Variants in TMEM167A observed in about 807,000 individuals in gnomAD.
TMEM167A encodes the protein transmembrane protein 167A, also known as protein kish-A.
Under a neutral mutation model 11.6 loss-of-function variants are expected in TMEM167A, and 8 were observed. The observed-to-expected ratio is 0.69, with a 90% confidence interval of 0.40 to 1.24. The LOEUF (loss-of-function observed/expected upper bound fraction) is 1.24. TMEM167A is among the 50% of genes most tolerant of loss of function. TMEM167A has a pLI of 0.01. For synonymous variants in TMEM167A, 22 were observed against 28.0 expected, an observed-to-expected ratio of 0.79 and a Z score of 0.67; for missense variants, 62 against 87.0, an observed-to-expected ratio of 0.71 and a Z score of 1.14.
chr5:83,075,334 G>C (rs1744625575), intron 1 of TMEM167A, among the ~76,000 whole-genome samples: 1 of 152,134 alleles, frequency 6.6e-6, no homozygotes, highest in Non-Finnish European at 1.5e-5. Flanking sequence ...GGTGTTGGGG[G>C]GAACAAGGCA....
At chr5:83,073,591 G>T (rs1011178609) in intron 1 of TMEM167A, among the ~76,000 whole-genome samples, 8 of 152,228 alleles carry the variant, frequency 5.3e-5, no homozygotes, top group Non-Finnish European at 4.4e-5. Context: ...CCAGTAGCCT[G>T]GAGTATAGGA....
rs756118188 is a variant in TMEM167A, at chr5:83,064,995, A to C, written c.113+13T>G. On this transcript the variant is annotated intron_variant, in intron 2 of 3. Transcript: ENST00000502346. ...GAACTAATTTGGGTGATTAGACATC[A>C]TTAGTAACATACCCAGTTTTATTTC... 1.3e-6 allele frequency: 2 copies of C among 1,509,928 alleles called. No individual in the cohort carries two copies. Among genetic ancestry groups the C allele is most frequent in the South Asian group, 2.3e-5 (2 of 85,772 alleles). The allele number at this position is 1,509,928 out of a possible 1,614,324, so 93.5% of individuals were successfully genotyped here.
chr5:83,074,363 G>A (rs924123119), intron 1 of TMEM167A, among the ~76,000 whole-genome samples: 13 of 152,064 alleles, frequency 8.5e-5, no homozygotes, highest in Admixed American at 1.3e-4. Flanking sequence ...TCTTTCTTGG[G>A]GACATCTCTC....
intron 1 of TMEM167A, among the ~76,000 whole-genome samples, chr5:83,074,656 T>G (rs1311838790): frequency 1.3e-5 from 2 of 152,242 alleles, no homozygotes; most frequent in South Asian, 4.1e-4. Flanking sequence ...CTCTCTCTAC[T>G]ACATGTGTTG....
At chr5:83,076,422 C>T (rs1021657749) in intron 1 of TMEM167A, among the ~76,000 whole-genome samples, 1 of 152,192 alleles carries the variant, frequency 6.6e-6, no homozygotes, top group African/African-American at 2.4e-5. Flanking sequence ...ACTTGCACTA[C>T]GAGTAGAAGA....
rs530449968 is a variant in TMEM167A, at chr5:83,054,739, G to A, written c.*2345C>T. The A allele has an allele frequency of 1.3e-5, 2 of 152,036 alleles. No individual in the cohort carries two copies. Among genetic ancestry groups the A allele is most frequent in the Admixed American group, 1.3e-4 (2 of 15,236 alleles). The allele number at this position is 152,036 out of a possible 1,614,324, so 9.4% of individuals were successfully genotyped here. A position where few individuals can be genotyped will look rare whatever the true frequency, so the allele number is the denominator to read the frequency against. ...AGGGAAAATAACTACTGGGTACTAG[G>A]CTTAGCACCTGGGTGACAAAATAAT... is the stretch of plus-strand genomic sequence containing the variant. On this transcript the variant is annotated 3_prime_UTR_variant, in exon 4 of 4. Transcript: ENST00000502346.
chr5:83,073,903 A>C (rs1744599398), intron 1 of TMEM167A, among the ~76,000 whole-genome samples: 1 of 152,192 alleles, frequency 6.6e-6, no homozygotes, highest in Non-Finnish European at 1.5e-5. Flanking sequence ...TTTCAACCCA[A>C]CTGCTCATCA....
At chr5:83,075,600 C>T (rs1424888819) in intron 1 of TMEM167A, among the ~76,000 whole-genome samples, 4 of 152,008 alleles carry the variant, frequency 2.6e-5, no homozygotes, top group Admixed American at 6.6e-5. Flanking sequence ...CAAAAATTAG[C>T]CAGGCGTGGT....
Position 83,066,408 on chromosome 5 carries a change from A to C in TMEM167A, c.4-1291T>G, listed in dbSNP as rs1315094614. On this transcript the variant is annotated intron_variant, in intron 1 of 3. Coordinates refer to ENST00000502346, the MANE Select transcript of TMEM167A (RefSeq NM_174909.5). ...CTAAAGAATTTAGTGAAAAACAGTT[A>C]TAGATCTTAAGGAAATTGAGTAAGG... 2.0e-5 allele frequency among the ~76,000 whole-genome samples: 3 copies of C among 152,330 alleles called. No homozygotes were observed. The East Asian group carries it at 5.8e-4, about 29-fold the overall frequency.
rs185774185 is a variant in TMEM167A at position 83,075,400 on chromosome 5, G to C, written c.3+1921C>G. On this transcript the variant is annotated intron_variant, in intron 1 of 3. Transcript: ENST00000502346. ...AAGTGCTACAATTACTGTTCATGCTGACAGTTGTAAATTATTACTGCTGAT... is the reference window on the plus strand; with the variant it reads ...AAGTGCTACAATTACTGTTCATGCTCACAGTTGTAAATTATTACTGCTGAT... 2.6e-5 allele frequency among the ~76,000 whole-genome samples: 4 copies of C among 152,184 alleles called. No homozygotes were observed. In the East Asian group the frequency reaches 7.7e-4, roughly 29 times the overall value.
chr5:83,077,227 A>T (rs1461226569), intron 1 of TMEM167A, 94 bp downstream of exon 1: 1 of 1,592,472 alleles, frequency 6.3e-7, no homozygotes, highest in African/African-American at 1.3e-5. Flanking sequence ...CTCCGGGCCC[A>T]CACACCCCGG....
At chr5:83,060,951 T>C (rs1048690364) in intron 3 of TMEM167A, among the ~76,000 whole-genome samples, 1 of 152,148 alleles carries the variant, frequency 6.6e-6, no homozygotes, top group African/African-American at 2.4e-5. Flanking sequence ...ACAGGGTGAA[T>C]GGATAGGAGT....
chr5:83,063,829 A>G (rs1401244424), intron 2 of TMEM167A, among the ~76,000 whole-genome samples: 1 of 152,126 alleles, frequency 6.6e-6, no homozygotes, highest in Middle Eastern at 3.2e-3. Context: ...AAACCAGGAT[A>G]AAGACCATGT....
intron 3 of TMEM167A, among the ~76,000 whole-genome samples, chr5:83,059,177 AAAG>A (rs1744372992): frequency 1.3e-5 from 2 of 151,984 alleles, no homozygotes; most frequent in Non-Finnish European, 2.9e-5. Context: ...AAAAAAAAAA[AAAG>A]GACACTAGAC....
chr5:83,070,622 G>T (rs1416905815), intron 1 of TMEM167A, among the ~76,000 whole-genome samples: 1 of 152,070 alleles, frequency 6.6e-6, no homozygotes, highest in Non-Finnish European at 1.5e-5. Flanking sequence ...ATAGATGCAA[G>T]GTCAATACAA....
intron 1 of TMEM167A, 23 bp downstream of exon 1, chr5:83,077,298 G>T: frequency 1.2e-6 from 2 of 1,614,150 alleles, no homozygotes; most frequent in Non-Finnish European, 1.7e-6. Flanking sequence ...GATCAACCGC[G>T]ACCTGGGAGC....
rs1744315021 is a variant in TMEM167A at position 83,055,512 on chromosome 5, A to G, written c.*1572T>C. The G allele has an allele frequency of 6.6e-6, 1 of 152,006 alleles. No individual in the cohort carries two copies. Among genetic ancestry groups the G allele is most frequent in the African/African-American group, 2.4e-5 (1 of 41,426 alleles). 9.4% of individuals were successfully genotyped at this position (152,006 alleles called of 1,614,324 possible). The stretch of plus-strand genomic sequence containing the variant: ...AACAATGATTATAACCTGATTCCCT[A>G]TCTAAAGCAAAATATACCACTTTTA... On this transcript the variant is annotated 3_prime_UTR_variant, in exon 4 of 4. Transcript: ENST00000502346.
intron 2 of TMEM167A, 36 bp from the exon 3 acceptor site, chr5:83,061,947 G>A (rs1744413457): frequency 1.3e-6 from 2 of 1,548,762 alleles, no homozygotes; most frequent in Admixed American, 1.7e-5. Flanking sequence ...AGTAGCTATT[G>A]ATTACTCGGA....
intron 1 of TMEM167A, among the ~76,000 whole-genome samples, chr5:83,068,706 C>A (rs576877627): frequency 1.3e-5 from 2 of 152,228 alleles, no homozygotes; most frequent in South Asian, 4.2e-4. Flanking sequence ...TAATGAGAAT[C>A]TTACTGTATT....
Sources: gnomAD v4.1 joint callset for allele counts (sites outside exome capture counted in the v4.1 genomes callset) on GRCh38, gnomAD v4.1.1 for gene constraint, MANE v1.5 for transcripts, NCBI Gene and HGNC (gene_info 2026-07-23, HGNC 2026-07-21) for gene names.